ACOT7: variants seen among roughly 807,000 people sequenced by gnomAD.
The protein encoded by ACOT7 is cytosolic acyl coenzyme A thioester hydrolase.
ACOT7 carries 12 observed loss-of-function variants against 40.2 expected under a neutral mutation model. The observed-to-expected ratio is 0.30, with a 90% CI of 0.19 to 0.48. ACOT7 has a LOEUF of 0.48. ACOT7 is among the 20% of genes least tolerant of loss of function. The probability of loss-of-function intolerance (pLI) is 0.99; values close to 1 mark genes in which losing one functional copy is unlikely to be tolerated. For missense variants in ACOT7, 395 were observed against 530.8 expected (o/e 0.74, Z 2.51); for synonymous variants, 228 against 219.5 (o/e 1.04, Z -0.34).
At chr1:6,331,185 A>C (rs1640942827) in intron 4 of ACOT7, among the ~76,000 whole-genome samples, 1 of 152,212 alleles carries the variant, frequency 6.6e-6, no homozygotes, top group African/African-American at 2.4e-5. Context: ...TGTTGAACCG[A>C]GGGCTGGTGC....
At chr1:6,373,256 C>CT (rs1006120291) in intron 1 of ACOT7, among the ~76,000 whole-genome samples, 148 of 146,662 alleles carry the variant, frequency 1.0e-3, no homozygotes, top group Admixed American at 3.4e-3. Flanking sequence ...TTGCCACAAA[C>CT]TTTTTTTTTT....
intron 6 of ACOT7, among the ~76,000 whole-genome samples, chr1:6,296,235 G>A (rs1639807107): frequency 6.6e-6 from 1 of 152,058 alleles, no homozygotes; most frequent in Admixed American, 6.6e-5. Context: ...GTGGATCATC[G>A]TCAGTACAGC....
rs1238928026 is a variant in ACOT7, at chr1:6,288,256, G to A, written c.829+6608C>T. 2.6e-5 allele frequency among the ~76,000 whole-genome samples: 4 copies of A among 152,192 alleles called. No individual in the cohort carries two copies. The highest frequency in any genetic ancestry group is 3.2e-3 in the Middle Eastern group (1 of 316). On this transcript the variant is annotated intron_variant, in intron 7 of 8. Transcript: ENST00000361521. This position sits in a 1 kb window ranked among gnomAD's most constrained non-coding sequence, Gnocchi z 4.3. ...CCCTCGCGTCCCCAGCACCAACTCC[G>A]TTGCTGGCCTGGGAACTCCACGCGC...
chr1:6,393,037 G>A (rs1184135728), intron 1 of ACOT7, among the ~76,000 whole-genome samples: 2 of 151,768 alleles, frequency 1.3e-5, no homozygotes, highest in Non-Finnish European at 2.9e-5. Flanking sequence ...GCGGCCAGGA[G>A]GAGCCGGCTG....
rs1465231596 is a variant in ACOT7 at position 6,330,470 on chromosome 1, C to T, written c.510+3007G>A. Reference sequence around the variant, plus strand: ...CTGAACAACAGCTGCAGCTGAGAACCGTGCAGCCTCTCCCATCTGCGGCTC... The same window carrying T: ...CTGAACAACAGCTGCAGCTGAGAACTGTGCAGCCTCTCCCATCTGCGGCTC... On this transcript the variant is annotated intron_variant, in intron 4 of 8. Transcript: ENST00000361521. The surrounding 1 kb of genome is among the most constrained non-coding windows in gnomAD (Gnocchi z 4.6). Among the ~76,000 whole-genome samples the T allele has an allele frequency of 2.6e-5, 4 of 152,336 alleles. No individual in the cohort carries two copies. In the East Asian group the frequency reaches 7.7e-4, roughly 29 times the overall value.
chr1:6,354,433 G>A (rs1420953486), intron 1 of ACOT7, among the ~76,000 whole-genome samples: 1 of 152,254 alleles, frequency 6.6e-6, no homozygotes, highest in Admixed American at 6.5e-5. Context: ...CAAAGCTGGC[G>A]CATGGCCCAA....
chr1:6,385,916 G>A (rs772468107), intron 1 of ACOT7: 96 of 1,109,100 alleles, frequency 8.7e-5, no homozygotes, highest in Non-Finnish European at 1.1e-4. Context: ...TCCATGACTC[G>A]GCCTGAACTC....
intron 5 of ACOT7, among the ~76,000 whole-genome samples, chr1:6,321,011 G>A (rs749981619): frequency 5.9e-5 from 9 of 152,214 alleles, no homozygotes; most frequent in Non-Finnish European, 1.2e-4. Flanking sequence ...AAAGAACACA[G>A]GAGCTACCCA....
chr1:6,269,097 A>G (rs1226244401), intron 8 of ACOT7, among the ~76,000 whole-genome samples: 1 of 152,240 alleles, frequency 6.6e-6, no homozygotes, highest in Non-Finnish European at 1.5e-5. Flanking sequence ...ACCAAGCAGC[A>G]CAGAAATGAT....
chr1:6,378,919 G>A (rs1256047320), intron 1 of ACOT7, among the ~76,000 whole-genome samples: 3 of 151,302 alleles, frequency 2.0e-5, no homozygotes, highest in East Asian at 1.9e-4. Context: ...TCTTTGAGAC[G>A]GAGTCTTGCT....
At chr1:6,348,586 A>C (rs1380052465) in intron 2 of ACOT7, among the ~76,000 whole-genome samples, 3 of 152,104 alleles carry the variant, frequency 2.0e-5, no homozygotes, top group Non-Finnish European at 2.9e-5. Flanking sequence ...TGAGAGAGCC[A>C]CTCCTACCAA....
chr1:6,271,626 C>G (rs1350005573), intron 8 of ACOT7, among the ~76,000 whole-genome samples: 1 of 152,198 alleles, frequency 6.6e-6, no homozygotes, highest in Non-Finnish European at 1.5e-5. Context: ...TGTGGCCTCT[C>G]CGCCATCCGC....
At chr1:6,346,872 G>C (rs1641440607) in intron 2 of ACOT7, among the ~76,000 whole-genome samples, 1 of 152,216 alleles carries the variant, frequency 6.6e-6, no homozygotes, top group African/African-American at 2.4e-5. Flanking sequence ...TTGGGAGGGA[G>C]AGAGGCTGAC....
chr1:6,348,505 G>A (rs918710926), intron 2 of ACOT7, among the ~76,000 whole-genome samples: 1 of 152,186 alleles, frequency 6.6e-6, no homozygotes, highest in Admixed American at 6.5e-5. Context: ...AGAAGGCAGG[G>A]TCTTTGGGAG....
rs1171499592 is a variant in ACOT7, at chr1:6,323,716, C to CA, written c.625+3582dup. ...CTGGTCAACAGAGTGAGACTTGTCT[C>CA]AAAAAAAAAAAAAAAAAAAAAATAT... On this transcript the variant is annotated intron_variant, in intron 5 of 8. Coordinates refer to ENST00000361521, the MANE Select transcript of ACOT7 (RefSeq NM_007274.4). Among the ~76,000 whole-genome samples the CA allele has an allele frequency of 9.4e-4, 65 of 69,118 alleles. 1 individual carries two copies. The highest frequency in any genetic ancestry group is 1.4e-3 in the South Asian group (2 of 1,410). The allele number at this position is 69,118 out of a possible 152,430, so 45.3% of individuals were successfully genotyped here.
At position 6,289,660 on chromosome 1, in the gene ACOT7, C is replaced by A. The variant is rs546399717; in HGVS notation, c.829+5204G>T. The stretch of plus-strand genomic sequence containing the variant: ...AAGTGTTGGAATTACAAGCGTGAGC[C>A]ACTGTGACCAGCCTGCTTTTTTTGT... On this transcript the variant is annotated intron_variant, in intron 7 of 8. Transcript: ENST00000361521. The surrounding 1 kb of genome is among the most constrained non-coding windows in gnomAD (Gnocchi z 4.6). 4.0e-4 allele frequency among the ~76,000 whole-genome samples: 61 copies of A among 152,022 alleles called. No individual in the cohort carries two copies. The highest frequency in any genetic ancestry group is 1.4e-3 in the African/African-American group (58 of 41,460).
chr1:6,332,202 G>A (rs1171730304), intron 4 of ACOT7, among the ~76,000 whole-genome samples: 1 of 152,214 alleles, frequency 6.6e-6, no homozygotes, highest in Non-Finnish European at 1.5e-5. Context: ...CTCAGCCGGA[G>A]GAAAAGCTCC....
rs560326773 is a variant in ACOT7 at position 6,287,246 on chromosome 1, CG to C, written c.830-5961del. ...TCATCACTCACACTCGAGGCCCTGA[CG>C]GGGCGGATGCCAGGTGGGGTTTAGG... On this transcript the variant is annotated intron_variant, in intron 7 of 8. Coordinates refer to ENST00000361521, the MANE Select transcript of ACOT7 (RefSeq NM_007274.4). Among the ~76,000 whole-genome samples the C allele has an allele frequency of 4.0e-3, 614 of 152,354 alleles. 5 individuals are homozygous for C. Among genetic ancestry groups the C allele is most frequent in the African/African-American group, 0.014 (595 of 41,582 alleles).
chr1:6,265,430 T>C (rs1161547074), intron 8 of ACOT7, among the ~76,000 whole-genome samples: 1 of 152,194 alleles, frequency 6.6e-6, no homozygotes, highest in Non-Finnish European at 1.5e-5. Context: ...GAGGGAGCCC[T>C]GTCACCACGC....
Sources: gnomAD v4.1 joint callset for allele counts (sites outside exome capture counted in the v4.1 genomes callset) on GRCh38, gnomAD v4.1.1 for gene constraint, Gnocchi (gnomAD v3.1) non-coding constraint, MANE v1.5 for transcripts, NCBI Gene and HGNC (gene_info 2026-07-23, HGNC 2026-07-21) for gene names.